ERN1: variants seen among roughly 807,000 people sequenced by gnomAD.
The protein encoded by ERN1 is serine/threonine-protein kinase/endoribonuclease IRE1.
In ERN1, 39 loss-of-function variants were observed where a neutral mutation model predicts 113.1. The observed-to-expected ratio is 0.34, with a 90% CI of 0.27 to 0.45. The LOEUF (loss-of-function observed/expected upper bound fraction) is 0.45. Among genes scored for constraint, ERN1 ranks in the 20% least tolerant of loss-of-function variants. The probability of loss-of-function intolerance (pLI) is 1.00; values close to 1 mark genes in which losing one functional copy is unlikely to be tolerated. For synonymous variants in ERN1, 507 were observed against 515.9 expected (o/e 0.98, Z 0.23); for missense variants, 976 against 1,274.8 (o/e 0.77, Z 3.57).
chr17:64,063,921 CG>C lies in ERN1; in HGVS notation c.1087+64del. On this transcript the variant is annotated intron_variant, in intron 10 of 21. Transcript: ENST00000433197. This position sits in a 1 kb window ranked among gnomAD's most constrained non-coding sequence, Gnocchi z 5.1. The stretch of plus-strand genomic sequence containing the variant: ...CTCAGTACGGTGTAACTACCAGGGC[CG>C]GCGGTCGCCCACCAGGAGGCAGCAC... The C allele has an allele frequency of 6.6e-7, 1 of 1,510,098 alleles. No homozygotes were observed. Among genetic ancestry groups the C allele is most frequent in the Non-Finnish European group, 9.1e-7 (1 of 1,100,664 alleles). 93.5% of individuals were successfully genotyped at this position (1,510,098 alleles called of 1,614,324 possible). A position where few individuals can be genotyped will look rare whatever the true frequency, so the allele number is the denominator to read the frequency against.
At chr17:64,115,288 T>C (rs1375354008) in intron 1 of ERN1, among the ~76,000 whole-genome samples, 1 of 152,202 alleles carries the variant, frequency 6.6e-6, no homozygotes, top group Non-Finnish European at 1.5e-5. Context: ...CTGACTCTTC[T>C]ATTTCAACTC....
At chr17:64,128,192 G>GT (rs1915133637) in intron 1 of ERN1, among the ~76,000 whole-genome samples, 1 of 129,344 alleles carries the variant, frequency 7.7e-6, no homozygotes, top group Non-Finnish European at 1.6e-5. Flanking sequence ...TGTATGTTTA[G>GT]TAGAGACAAG....
In ERN1 at chr17:64,043,954, G is replaced by A. The variant is rs1912419832; in HGVS notation, c.*34C>T. On this transcript the variant is annotated 3_prime_UTR_variant, in exon 22 of 22. Coordinates refer to ENST00000433197, the MANE Select transcript of ERN1 (RefSeq NM_001433.5). ...TGTGGTGACCAGGCCCTCAGTCACAGCTGGGGCCACCAGAACAGAGGGGCC... is the reference window on the plus strand; with the variant it reads ...TGTGGTGACCAGGCCCTCAGTCACAACTGGGGCCACCAGAACAGAGGGGCC... 4 of 1,453,888 alleles carry A rather than the reference G, an allele frequency of 2.8e-6. No individual in the cohort carries two copies. The African/African-American group carries it at 4.2e-5, about 15-fold the overall frequency. The allele number at this position is 1,453,888 out of a possible 1,614,324, so 90.1% of individuals were successfully genotyped here. A position where few individuals can be genotyped will look rare whatever the true frequency, so the allele number is the denominator to read the frequency against.
intron 19 of ERN1, among the ~76,000 whole-genome samples, chr17:64,047,111 C>T (rs1912536197): frequency 1.3e-5 from 2 of 152,210 alleles, no homozygotes; most frequent in African/African-American, 4.8e-5. Flanking sequence ...GTAATCCCAG[C>T]ACTTTGGGAG....
rs1912847024 is a variant in ERN1 at position 64,055,815 on chromosome 17, A to G, written c.1532T>C (p.Leu511Pro). ...CTCTGAGTACGGGCCAGACGTGTCC[A>G]GGAGCTCGCCGTCCTGAGCCGTGTC... ...PGDTAQDGEL[L>P]DTSGPYSESS... Residue 511 changes from leucine (L) to proline (P), a missense_variant, in exon 13 of 22, where the codon CTG becomes CCG. Physicochemically the swap from Leu to Pro is moderately conservative, Grantham distance 98 (BLOSUM62 -3). Coordinates refer to ENST00000433197, the MANE Select transcript of ERN1 (RefSeq NM_001433.5). 7 of 1,571,846 alleles carry G rather than the reference A, an allele frequency of 4.5e-6. No homozygotes were observed. Among genetic ancestry groups the G allele is most frequent in the East Asian group, 2.3e-5 (1 of 42,660 alleles).
chr17:64,057,020 C>T (rs1205917966), intron 12 of ERN1, among the ~76,000 whole-genome samples: 2 of 152,192 alleles, frequency 1.3e-5, no homozygotes, highest in Non-Finnish European at 2.9e-5. Context: ...CCACCCATGG[C>T]CTGTTCTGCT....
In ERN1 at chr17:64,098,214, G is replaced by A. The variant is rs765501899; in HGVS notation, c.82C>T (p.Leu28Phe). 11 of 1,613,958 alleles carry A rather than the reference G, an allele frequency of 6.8e-6. No individual in the cohort carries two copies. Among genetic ancestry groups the A allele is most frequent in the Admixed American group, 1.7e-5 (1 of 60,024 alleles). ...GACACAAACAACAAGGTTTCAGGAA[G>A]CGTCACTGTGCTGGTACTTCCAAAA... ...GIFGSTSTVT[L>F]PETLLFVSTL... The change falls in exon 2 of 22, where the codon CTT becomes TTT. Residue 28 changes from leucine (L) to phenylalanine (F), a missense_variant. Leu to Phe is a conservative substitution (Grantham distance 22). This residue lies in a region of ERN1 where 459 missense variants were observed against 581.2 expected (regional missense o/e 0.79). Transcript: ENST00000433197.
At chr17:64,083,213 T>C (rs1216409340) in intron 2 of ERN1, among the ~76,000 whole-genome samples, 4 of 152,176 alleles carry the variant, frequency 2.6e-5, no homozygotes, top group Non-Finnish European at 5.9e-5. Context: ...TGGAGTGTTA[T>C]TTTACTACTC....
intron 1 of ERN1, chr17:64,129,646 T>TG (rs1915179817): frequency 8.1e-6 from 3 of 370,246 alleles, no homozygotes; most frequent in Non-Finnish European, 1.4e-5. Context: ...CGGGGCCTTC[T>TG]GGGACCCCCA....
At chr17:64,125,494 TG>T (rs1915057929) in intron 1 of ERN1, among the ~76,000 whole-genome samples, 1 of 152,188 alleles carries the variant, frequency 6.6e-6, no homozygotes, top group Admixed American at 6.5e-5. Flanking sequence ...TTTTGTTTTT[TG>T]TTTTTCTTTT....
intron 4 of ERN1, among the ~76,000 whole-genome samples, 174 bp from the exon 5 acceptor site, chr17:64,075,421 C>T (rs750028312): frequency 6.6e-6 from 1 of 152,108 alleles, no homozygotes; most frequent in Non-Finnish European, 1.5e-5. Flanking sequence ...TATGCTTCCA[C>T]ATCTACTGTG....
chr17:64,073,894 T>C (rs79472184), intron 5 of ERN1, among the ~76,000 whole-genome samples: 2 of 152,302 alleles, frequency 1.3e-5, no homozygotes, highest in Non-Finnish European at 2.9e-5. Context: ...ACCTCCTGCC[T>C]CACCCTCCCA....
intron 12 of ERN1, among the ~76,000 whole-genome samples, chr17:64,056,599 T>A (rs143562655): frequency 1.3e-5 from 2 of 152,300 alleles, no homozygotes; most frequent in African/African-American, 4.8e-5. Context: ...ATTCATTCTG[T>A]CATTATCTGA....
At chr17:64,113,779 G>A (rs573531604) in intron 1 of ERN1, among the ~76,000 whole-genome samples, 5 of 152,052 alleles carry the variant, frequency 3.3e-5, no homozygotes, top group Non-Finnish European at 7.4e-5. Flanking sequence ...CACCTCCTGG[G>A]TTCAAGCAAT....
At chr17:64,060,890 C>A (rs1913033248) in intron 10 of ERN1, among the ~76,000 whole-genome samples, 1 of 152,208 alleles carries the variant, frequency 6.6e-6, no homozygotes, top group Admixed American at 6.5e-5. Context: ...GCTGCATGGG[C>A]CCGATCCACA....
chr17:64,046,109 G>GT (rs1438059802), intron 19 of ERN1, among the ~76,000 whole-genome samples: 1 of 152,232 alleles, frequency 6.6e-6, no homozygotes, highest in Non-Finnish European at 1.5e-5. Flanking sequence ...AGTAAGACAG[G>GT]TCGACAGCTG....
Position 64,054,414 on chromosome 17 carries a change from C to A in ERN1, c.1789G>T (p.Ala597Ser). The change falls in exon 15 of 22, where the codon GCC becomes TCC. Residue 597 changes from alanine to serine, a missense_variant. Around this residue, in one of 5 missense-constraint regions of ERN1, gnomAD observed 297 missense variants for 457.8 expected, o/e 0.65. Transcript: ENST00000433197. This position sits in a 1 kb window ranked among gnomAD's most constrained non-coding sequence, Gnocchi z 4.9. Reference sequence around the variant, plus strand: ...CACTCGGGGAGGATCCTCTTCACGGCCACGTCGCGGTTGTCAAACATGCCC... The same window carrying A: ...CACTCGGGGAGGATCCTCTTCACGGACACGTCGCGGTTGTCAAACATGCCC... ...YRGMFDNRDV[A>S]VKRILPECFS... The A allele has an allele frequency of 1.3e-6, 2 of 1,574,698 alleles. No individual in the cohort carries two copies. The highest frequency in any genetic ancestry group is 1.7e-6 in the Non-Finnish European group (2 of 1,160,122).
At chr17:64,082,172 C>T (rs1441583686) in intron 2 of ERN1, among the ~76,000 whole-genome samples, 2 of 152,156 alleles carry the variant, frequency 1.3e-5, no homozygotes, top group East Asian at 3.9e-4. Context: ...TATACAAAGG[C>T]ATATGGTGTT....
intron 10 of ERN1, among the ~76,000 whole-genome samples, chr17:64,062,529 T>G (rs968823858): frequency 6.6e-6 from 1 of 152,238 alleles, no homozygotes; most frequent in African/African-American, 2.4e-5. Context: ...CCTTATACTT[T>G]GCTGTTTTCG....
Sources: allele counts gnomAD v4.1 joint callset (sites outside exome capture counted in the v4.1 genomes callset), GRCh38; gene constraint gnomAD v4.1.1; regional missense constraint gnomAD v4.1.1; non-coding constraint Gnocchi (gnomAD v3.1); transcripts MANE v1.5; gene names NCBI Gene and HGNC (gene_info 2026-07-23, HGNC 2026-07-21).